TIAM1: variants seen among roughly 807,000 people sequenced by gnomAD.
The protein encoded by TIAM1 is TIAM Rac1 associated GEF 1.
In TIAM1, 65 loss-of-function variants were observed where a neutral mutation model predicts 163.5. The observed-to-expected ratio is 0.40, with a 90% CI of 0.33 to 0.49. The LOEUF (loss-of-function observed/expected upper bound fraction) is 0.49. Ranked by LOEUF, TIAM1 falls within the 20% of genes least tolerant of loss-of-function variation. The pLI, the probability that TIAM1 is intolerant of heterozygous loss-of-function variation, is 0.77. For synonymous variants in TIAM1, 833 were observed against 810.1 expected (o/e 1.03, Z -0.48); for missense variants, 1,789 against 2,044.7 (o/e 0.87, Z 2.41).
upstream of TIAM1, chr21:31,559,053 G>T (rs902923360): frequency 5.3e-5 from 8 of 151,938 alleles, no homozygotes; most frequent in African/African-American, 1.9e-4. Context: ...CGGCGGCGCT[G>T]CTCTGCCGGC....
intron 6 of TIAM1, among the ~76,000 whole-genome samples, chr21:31,237,276 A>G (rs1262176856): frequency 6.6e-6 from 1 of 152,156 alleles, no homozygotes; most frequent in Non-Finnish European, 1.5e-5. Context: ...CTTATGAAAG[A>G]TGATTTACAG....
At chr21:31,190,517 C>T (rs1452257476) in intron 13 of TIAM1, among the ~76,000 whole-genome samples, 1 of 152,008 alleles carries the variant, frequency 6.6e-6, no homozygotes, top group Non-Finnish European at 1.5e-5. Context: ...AAACTAGAGT[C>T]CAGGATACAA....
intron 2 of TIAM1, among the ~76,000 whole-genome samples, chr21:31,355,577 A>T (rs542995044): frequency 6.8e-6 from 1 of 146,058 alleles, no homozygotes; most frequent in Non-Finnish European, 1.5e-5. Flanking sequence ...ATTGAGAAAG[A>T]GTCTCGCCCT....
intron 2 of TIAM1, among the ~76,000 whole-genome samples, chr21:31,374,119 C>G (rs2076645780): frequency 1.3e-5 from 2 of 152,000 alleles, no homozygotes; most frequent in South Asian, 4.1e-4. Context: ...GTACCAATTA[C>G]AGAAAATTCC....
intron 4 of TIAM1, among the ~76,000 whole-genome samples, chr21:31,265,200 TC>T (rs369728470): frequency 2.1e-5 from 3 of 139,584 alleles, no homozygotes; most frequent in Non-Finnish European, 3.1e-5. Flanking sequence ...ACTTTCAAAA[TC>T]TTTTTTTTTT....
At chr21:31,465,851 G>A (rs1478610557) in intron 1 of TIAM1, among the ~76,000 whole-genome samples, 1 of 151,830 alleles carries the variant, frequency 6.6e-6, no homozygotes, top group East Asian at 1.9e-4. Context: ...GTTTACCGGC[G>A]TGAGCCACCG....
chr21:31,173,521 A>C (rs57039652), intron 15 of TIAM1, among the ~76,000 whole-genome samples: 2 of 138,086 alleles, frequency 1.4e-5, no homozygotes, highest in Non-Finnish European at 3.0e-5. Context: ...AAAGAAAGAG[A>C]GAGCGAGAGA....
At chr21:31,182,286 G>T in intron 15 of TIAM1, 135 bp downstream of exon 15, 1 of 661,966 alleles carries the variant, frequency 1.5e-6, no homozygotes, top group Non-Finnish European at 2.3e-6. Flanking sequence ...CCAGTCATCA[G>T]CCCATCTTGC....
chr21:31,396,417 A>C (rs778303316), intron 2 of TIAM1, among the ~76,000 whole-genome samples: 10 of 152,106 alleles, frequency 6.6e-5, no homozygotes, highest in Non-Finnish European at 1.3e-4. Context: ...TCCTGGGAGA[A>C]GTATCCACTG....
chr21:31,295,270 A>T (rs1232600383), intron 2 of TIAM1, among the ~76,000 whole-genome samples: 6 of 152,116 alleles, frequency 3.9e-5, no homozygotes, highest in Admixed American at 2.0e-4. Flanking sequence ...GGAAATCGAG[A>T]CCATCCCGGC....
intron 1 of TIAM1, among the ~76,000 whole-genome samples, chr21:31,535,272 T>G (rs1300939197): frequency 6.8e-6 from 1 of 148,140 alleles, no homozygotes; most frequent in East Asian, 2.0e-4. Flanking sequence ...TCCCAGCTGC[T>G]CAGGAGGCTG....
chr21:31,341,631 C>T (rs753166255), intron 1 of TIAM1, among the ~76,000 whole-genome samples: 6 of 152,274 alleles, frequency 3.9e-5, no homozygotes, highest in Non-Finnish European at 7.3e-5. Context: ...ACAAAACCCA[C>T]CTTGGAACAA....
At chr21:31,169,294 AAAT>A (rs146494866) in intron 15 of TIAM1, among the ~76,000 whole-genome samples, 5 of 150,808 alleles carry the variant, frequency 3.3e-5, no homozygotes, top group African/African-American at 7.3e-5. Context: ...ACTCCGTCTC[AAAT>A]AATAATAATA....
intron 2 of TIAM1, among the ~76,000 whole-genome samples, chr21:31,460,859 T>C (rs2045299644): frequency 6.6e-6 from 1 of 152,242 alleles, no homozygotes; most frequent in African/African-American, 2.4e-5. Flanking sequence ...CCTGTTTTTA[T>C]ATTAAGATGC....
intron 1 of TIAM1, among the ~76,000 whole-genome samples, chr21:31,480,570 T>A (rs1015528456): frequency 6.6e-6 from 1 of 152,156 alleles, no homozygotes; most frequent in East Asian, 1.9e-4. Context: ...CATTGCCGCA[T>A]GCCAGAGTAA....
chr21:31,529,538 G>A (rs2047907440), intron 1 of TIAM1, among the ~76,000 whole-genome samples: 1 of 152,138 alleles, frequency 6.6e-6, no homozygotes, highest in Non-Finnish European at 1.5e-5. Context: ...TCTCTTCAAT[G>A]TATCTTCTTT....
chr21:31,273,833 T>TGA (rs1405102171), intron 3 of TIAM1, among the ~76,000 whole-genome samples: 1 of 152,228 alleles, frequency 6.6e-6, no homozygotes, highest in Non-Finnish European at 1.5e-5. Context: ...GTGTGCTTCC[T>TGA]GAGTAAATGT....
intron 1 of TIAM1, among the ~76,000 whole-genome samples, chr21:31,523,235 T>C (rs964624139): frequency 3.3e-5 from 5 of 152,240 alleles, no homozygotes; most frequent in Non-Finnish European, 7.3e-5. Context: ...AAGGATGCCC[T>C]GAAATTTTAC....
chr21:31,279,031 ATAATGCATTTTC>A (rs1268339083), intron 2 of TIAM1, among the ~76,000 whole-genome samples: 5 of 152,200 alleles, frequency 3.3e-5, no homozygotes, highest in African/African-American at 1.2e-4. Context: ...ACGGAGGCTG[ATAATGCATTTTC>A]TATACTTTAA....
Sources: gnomAD v4.1 joint callset for allele counts (sites outside exome capture counted in the v4.1 genomes callset) on GRCh38, gnomAD v4.1.1 for gene constraint, MANE v1.5 for transcripts, NCBI Gene and HGNC (gene_info 2026-07-23, HGNC 2026-07-21) for gene names.